The following FTCDNL1 variants were observed in gnomAD, a reference collection of about 807,000 sequenced individuals.
FTCDNL1 encodes the protein formiminotransferase N-terminal subdomain-containing protein.
Under a neutral mutation model 5.9 loss-of-function variants are expected in FTCDNL1, and 11 were observed. That is an observed-to-expected ratio of 1.87 (90% CI 1.18 to 3.10). The LOEUF is 3.10. Ranked by LOEUF, FTCDNL1 falls within the 30% of genes most tolerant of loss-of-function variation. The pLI is 0.00. For synonymous variants in FTCDNL1, 58 were observed against 24.8 expected (o/e 2.34, Z -3.99); for missense variants, 115 against 65.5 (o/e 1.76, Z -2.61).
At chr2:199,745,133 C>T in the FTCDNL1 span, among the ~76,000 whole-genome samples, 1 of 152,336 alleles carries the variant, frequency 6.6e-6, no homozygotes, top group East Asian at 1.9e-4. Flanking sequence ...ATGCAGATTG[C>T]CACTTCACTG....
At chr2:199,792,882 A>G (rs904368029) in intron 3 of FTCDNL1, among the ~76,000 whole-genome samples, 1 of 152,210 alleles carries the variant, frequency 6.6e-6, no homozygotes, top group Non-Finnish European at 1.5e-5. Flanking sequence ...AAACATAAGT[A>G]ATTTAACCAT....
At chr2:199,754,335 A>G in the FTCDNL1 span, among the ~76,000 whole-genome samples, 5 of 152,156 alleles carry the variant, frequency 3.3e-5, no homozygotes, top group Non-Finnish European at 7.4e-5. Context: ...GGGAAGTGGC[A>G]TGCCCCCTCC....
At chr2:199,835,716 G>GGTATTTTGA (rs1702686227) in intron 3 of FTCDNL1, among the ~76,000 whole-genome samples, 1 of 152,086 alleles carries the variant, frequency 6.6e-6, no homozygotes, top group African/African-American at 2.4e-5. Context: ...ACAGTTATGG[G>GGTATTTTGA]GCCTGAGCTC....
chr2:199,848,583 C>T (rs1044546671), intron 2 of FTCDNL1, among the ~76,000 whole-genome samples: 2 of 152,206 alleles, frequency 1.3e-5, no homozygotes, highest in African/African-American at 2.4e-5. Context: ...CTGAACAACA[C>T]GCATCTCAGA....
chr2:199,758,609 C>G (rs181093156), downstream of FTCDNL1, among the ~76,000 whole-genome samples: 316 of 152,322 alleles, frequency 2.1e-3, 2 homozygotes, highest in Non-Finnish European at 6.9e-4. Context: ...TTCCCTCCCA[C>G]TGGCTCCCAT....
chr2:199,791,886 G>A (rs1198953317), intron 3 of FTCDNL1, among the ~76,000 whole-genome samples: 3 of 151,856 alleles, frequency 2.0e-5, no homozygotes, highest in East Asian at 1.9e-4. Context: ...ATATACTACC[G>A]CTATAGTATA....
At chr2:199,700,543 A>C in the FTCDNL1 span, among the ~76,000 whole-genome samples, 1 of 152,230 alleles carries the variant, frequency 6.6e-6, no homozygotes, top group Non-Finnish European at 1.5e-5. Flanking sequence ...AGAAAAAACT[A>C]TTCTAAAATT....
the FTCDNL1 span, among the ~76,000 whole-genome samples, chr2:199,699,696 C>T: frequency 1.3e-5 from 2 of 152,164 alleles, no homozygotes; most frequent in Admixed American, 6.5e-5. Flanking sequence ...AAAAGCTAGT[C>T]CACCATGATC....
intron 3 of FTCDNL1, among the ~76,000 whole-genome samples, chr2:199,820,432 C>G (rs924973898): frequency 6.6e-6 from 1 of 151,946 alleles, no homozygotes; most frequent in African/African-American, 2.4e-5. Flanking sequence ...AGTTAGACTC[C>G]TATCTCTACA....
chr2:199,696,166 C>G, the FTCDNL1 span, among the ~76,000 whole-genome samples: 99,676 of 151,816 alleles, frequency 0.66, 36,137 homozygotes, highest in South Asian at 0.89. Context: ...CATGCACATG[C>G]CGCCACCCTG....
the FTCDNL1 span, among the ~76,000 whole-genome samples, chr2:199,664,016 A>C: frequency 6.6e-6 from 1 of 152,114 alleles, no homozygotes; most frequent in Non-Finnish European, 1.5e-5. Flanking sequence ...CGTGCTCTTC[A>C]GTGACTGATG....
At position 199,811,421 on chromosome 2, in the gene FTCDNL1, G is replaced by T. The variant is rs185933555; in HGVS notation, c.*1284C>A. ...AAGGAATGGTAATATCTTTACCATCGTTCCAACAAATAGTTGGATCACACT... is the reference window on the plus strand; with the variant it reads ...AAGGAATGGTAATATCTTTACCATCTTTCCAACAAATAGTTGGATCACACT... On this transcript the variant is annotated 3_prime_UTR_variant, in exon 5 of 5. Coordinates refer to ENST00000420128, the MANE Select transcript of FTCDNL1 (RefSeq NM_001363886.2). Among the ~76,000 whole-genome samples the T allele has an allele frequency of 2.6e-5, 4 of 151,984 alleles. No homozygotes were observed. Among genetic ancestry groups the T allele is most frequent in the Non-Finnish European group, 5.9e-5 (4 of 68,010 alleles).
At chr2:199,838,429 A>C (rs938313981) in intron 3 of FTCDNL1, among the ~76,000 whole-genome samples, 1 of 152,230 alleles carries the variant, frequency 6.6e-6, no homozygotes, top group African/African-American at 2.4e-5. Context: ...AAAAACCCCC[A>C]GGAAAAAAAA....
intron 2 of FTCDNL1, among the ~76,000 whole-genome samples, chr2:199,848,223 G>GT (rs1425085088): frequency 1.3e-5 from 2 of 152,202 alleles, no homozygotes; most frequent in African/African-American, 4.8e-5. Context: ...TTAAAGAGCA[G>GT]TATCTTTCAT....
the FTCDNL1 span, among the ~76,000 whole-genome samples, chr2:199,754,601 A>G: frequency 1.4e-4 from 21 of 152,264 alleles, no homozygotes; most frequent in Middle Eastern, 0.01. Flanking sequence ...CTTAACTGAT[A>G]CAAGTTGTTT....
At chr2:199,808,217 C>G (rs960866288), downstream of FTCDNL1, among the ~76,000 whole-genome samples, 19 of 152,130 alleles carry the variant, frequency 1.2e-4, no homozygotes, top group Admixed American at 1.2e-3. Flanking sequence ...AACCATGAGC[C>G]AATTACATCT....
the FTCDNL1 span, among the ~76,000 whole-genome samples, chr2:199,753,392 G>A: frequency 6.6e-6 from 1 of 152,240 alleles, no homozygotes; most frequent in Non-Finnish European, 1.5e-5. Flanking sequence ...GGGCCATGCT[G>A]TACAGGAGCC....
chr2:199,765,556 A>ATATATATATATATATTTTTTTT, intron 3 of FTCDNL1, among the ~76,000 whole-genome samples: 3 of 42,664 alleles, frequency 7.0e-5, no homozygotes, highest in African/African-American at 1.9e-4. Flanking sequence ...ATATATATAT[A>ATATATATATATATATTTTTTTT]TTTTTTTTTT....
the FTCDNL1 span, among the ~76,000 whole-genome samples, chr2:199,748,439 G>A: frequency 6.6e-6 from 1 of 152,114 alleles, no homozygotes; most frequent in East Asian, 1.9e-4. Context: ...AAGGTAAACT[G>A]CTTCTTCTCC....
Sources: allele counts gnomAD v4.1 joint callset (sites outside exome capture counted in the v4.1 genomes callset), GRCh38; gene constraint gnomAD v4.1.1; transcripts MANE v1.5; gene names NCBI Gene and HGNC (gene_info 2026-07-23, HGNC 2026-07-21).